The following ADGRB3 variants were observed in gnomAD, a reference collection of about 807,000 sequenced individuals.
ADGRB3 encodes brain-specific angiogenesis inhibitor 3.
In ADGRB3, 37 loss-of-function variants were observed where a neutral mutation model predicts 193.4. That is an observed-to-expected ratio of 0.19 (90% CI 0.15 to 0.25). The LOEUF (loss-of-function observed/expected upper bound fraction) is 0.25. Ranked by LOEUF, ADGRB3 falls within the 10% of genes least tolerant of loss-of-function variation. ADGRB3 has a pLI of 1.00. For missense variants in ADGRB3, 1,637 were observed against 1,852.9 expected, an observed-to-expected ratio of 0.88 and a Z score of 2.14; for synonymous variants, 690 against 644.2, an observed-to-expected ratio of 1.07 and a Z score of -1.08.
At chr6:69,383,797 CAT>C in intron 31 of ADGRB3, among the ~76,000 whole-genome samples, 1 of 152,150 alleles carries the variant, frequency 6.6e-6, no homozygotes, top group Non-Finnish European at 1.5e-5. Flanking sequence ...AGCTATAAGA[CAT>C]AGAGCTGGGA....
intron 5 of ADGRB3, among the ~76,000 whole-genome samples, chr6:68,937,295 C>G (rs1767510364): frequency 6.6e-6 from 1 of 152,048 alleles, no homozygotes; most frequent in Non-Finnish European, 1.5e-5. Context: ...CACTTAGTGT[C>G]AGATTTTCCA....
chr6:68,939,092 G>A (rs931349920), intron 5 of ADGRB3, among the ~76,000 whole-genome samples: 1 of 152,132 alleles, frequency 6.6e-6, no homozygotes, highest in Non-Finnish European at 1.5e-5. Flanking sequence ...ACTGATTAAT[G>A]CCTTCACAGA....
chr6:68,668,884 G>A (rs1055443152), intron 3 of ADGRB3, among the ~76,000 whole-genome samples: 5 of 151,946 alleles, frequency 3.3e-5, no homozygotes, highest in Middle Eastern at 3.4e-3. Flanking sequence ...CTCCCCCAAA[G>A]TTGATCAGGT....
At chr6:69,232,486 G>T (rs910860531) in intron 17 of ADGRB3, 4 of 1,534,226 alleles carry the variant, frequency 2.6e-6, no homozygotes, top group Admixed American at 2.0e-5. Flanking sequence ...GGACTTTGGG[G>T]TGGGGTTATT....
At position 69,164,593 on chromosome 6, in the gene ADGRB3, C is replaced by T. The variant is rs145518893; in HGVS notation, c.2481-68697C>T. Among the ~76,000 whole-genome samples the T allele has an allele frequency of 2.3e-3, 346 of 152,110 alleles. 4 individuals are homozygous for T. The highest frequency in any genetic ancestry group is 8.1e-3 in the African/African-American group (336 of 41,518). ...GTAAGAAGGCAAGCATTAGCACCAG[C>T]CTAGAAGCCCATGTAGGTAAGTTTA... On this transcript the variant is annotated intron_variant, in intron 17 of 31. Coordinates refer to ENST00000370598, the MANE Select transcript of ADGRB3 (RefSeq NM_001704.3).
intron 15 of ADGRB3, among the ~76,000 whole-genome samples, chr6:69,060,200 TTCTCTGTCTCTCTCTCTCTTTC>T (rs2150306726): frequency 1.2e-5 from 1 of 84,302 alleles, no homozygotes; most frequent in East Asian, 2.2e-4. Flanking sequence ...CTCTCTCTCT[TTCTCTGTCTCTCTCTCTCTTTC>T]TCTCTCTCTC....
At chr6:69,182,430 T>C (rs1775610665) in intron 17 of ADGRB3, among the ~76,000 whole-genome samples, 1 of 150,346 alleles carries the variant, frequency 6.7e-6, no homozygotes, top group Non-Finnish European at 1.5e-5. Context: ...AACAGAAGGC[T>C]AGTTAAGGTA....
rs1463627831 is a variant in ADGRB3 at position 69,360,985 on chromosome 6, T to C, written c.3712T>C (p.Ser1238Pro). ...AACAAACCCTGAAGGGCTAAGCTAT[T>C]CAACATTGCCTGGAAATGTCATTTC... Reference protein sequence around the residue: ...KGTNPEGLSYSTLPGNVISKV... With the variant: ...KGTNPEGLSYPTLPGNVISKV... The change falls in exon 29 of 32, where the codon TCA (serine) becomes CCA (proline). Residue 1238 changes from serine (S) to proline (P), a missense_variant. By Grantham distance (74) the Ser-to-Pro change is moderately conservative (BLOSUM62 -1). Transcript: ENST00000370598. 6.2e-7 allele frequency: 1 copy of C among 1,612,774 alleles called. No homozygotes were observed. Among genetic ancestry groups the C allele is most frequent in the South Asian group, 1.1e-5 (1 of 91,050 alleles).
chr6:68,741,434 G>A (rs1177112334), intron 3 of ADGRB3, among the ~76,000 whole-genome samples: 1 of 152,060 alleles, frequency 6.6e-6, no homozygotes, highest in East Asian at 1.9e-4. Context: ...CTGGAGTGCA[G>A]TGCTGTGATC....
chr6:69,007,693 TCACACACA>T (rs764934080), intron 11 of ADGRB3, among the ~76,000 whole-genome samples: 2,941 of 90,098 alleles, frequency 0.033, 84 homozygotes, highest in African/African-American at 0.11. Context: ...TCTCTCTCTC[TCACACACA>T]CACACACACA....
rs777511456 is a variant in ADGRB3, at chr6:69,361,486, TCAA to T, written c.4215_4217del (p.Thr1406del). 2.5e-6 allele frequency: 4 copies of T among 1,612,362 alleles called. No individual in the cohort carries two copies. The highest frequency in any genetic ancestry group is 3.4e-6 in the Non-Finnish European group (4 of 1,178,870). On this transcript the variant is annotated inframe_deletion, in exon 29 of 32. Coordinates refer to ENST00000370598, the MANE Select transcript of ADGRB3 (RefSeq NM_001704.3). The stretch of plus-strand genomic sequence containing the variant: ...AGGACTATCAAGAAGTGAAACTGGA[TCAA>T]CGATATCAATGAGTTCTTTAGAGGT...
intron 13 of ADGRB3, among the ~76,000 whole-genome samples, chr6:69,021,478 A>G (rs541037905): frequency 9.2e-5 from 14 of 152,004 alleles, no homozygotes; most frequent in Middle Eastern, 6.8e-3. Flanking sequence ...ACTGGATTAG[A>G]TAGAATGGGT....
chr6:69,091,217 G>A (rs1387610459), intron 17 of ADGRB3, among the ~76,000 whole-genome samples: 7 of 152,158 alleles, frequency 4.6e-5, no homozygotes, highest in African/African-American at 1.7e-4. Flanking sequence ...CAGCCATTGT[G>A]GAAGACAGTG....
intron 17 of ADGRB3, among the ~76,000 whole-genome samples, chr6:69,177,686 T>A (rs187504906): frequency 6.6e-6 from 1 of 152,350 alleles, no homozygotes; most frequent in Non-Finnish European, 1.5e-5. Flanking sequence ...TTAAGTTTGT[T>A]GTTTACCCAA....
At chr6:69,378,322 A>G (rs997543000) in intron 30 of ADGRB3, among the ~76,000 whole-genome samples, 3 of 152,048 alleles carry the variant, frequency 2.0e-5, no homozygotes, top group Admixed American at 1.3e-4. Flanking sequence ...ACAAACCTGA[A>G]TAGTCTAAAG....
At chr6:68,782,326 T>C (rs1393731980) in intron 3 of ADGRB3, among the ~76,000 whole-genome samples, 1 of 151,954 alleles carries the variant, frequency 6.6e-6, no homozygotes, top group African/African-American at 2.4e-5. Context: ...GGCTGCATAG[T>C]ATTCCATGGT....
intron 3 of ADGRB3, among the ~76,000 whole-genome samples, chr6:68,741,467 A>G (rs1375802176): frequency 6.6e-6 from 1 of 151,978 alleles, no homozygotes; most frequent in Non-Finnish European, 1.5e-5. Flanking sequence ...CTCAACTGCA[A>G]CCTCCACCTC....
chr6:68,858,092 T>A lies in ADGRB3; in HGVS notation c.758-72467T>A, dbSNP rs537555629. ...ACTGTGAGTTCTCCATTAACCCTCTTTTGTAAATTGCCAAGTTTTTGGTAT... is the reference window on the plus strand; with the variant it reads ...ACTGTGAGTTCTCCATTAACCCTCTATTGTAAATTGCCAAGTTTTTGGTAT... On this transcript the variant is annotated intron_variant, in intron 3 of 31. Coordinates refer to ENST00000370598, the MANE Select transcript of ADGRB3 (RefSeq NM_001704.3). Among the ~76,000 whole-genome samples the A allele has an allele frequency of 2.0e-5, 3 of 152,262 alleles. No homozygotes were observed. In the South Asian group the frequency reaches 6.2e-4, roughly 32 times the overall value.
chr6:69,058,630 T>C (rs763165547), intron 15 of ADGRB3, among the ~76,000 whole-genome samples: 6 of 152,034 alleles, frequency 3.9e-5, no homozygotes, highest in Non-Finnish European at 8.8e-5. Flanking sequence ...ATATGTTATG[T>C]GGTATGTTGT....
Sources: allele counts gnomAD v4.1 joint callset (sites outside exome capture counted in the v4.1 genomes callset), GRCh38; gene constraint gnomAD v4.1.1; transcripts MANE v1.5; gene names NCBI Gene and HGNC (gene_info 2026-07-23, HGNC 2026-07-21).